The following MNAT1 variants were observed in gnomAD, a reference collection of about 807,000 sequenced individuals.
MNAT1 encodes CDK-activating kinase assembly factor MAT1.
MNAT1 carries 43 observed loss-of-function variants against 42.0 expected under a neutral mutation model. That is an observed-to-expected ratio of 1.02 (90% CI 0.80 to 1.32). MNAT1 has a LOEUF of 1.32. Ranked by LOEUF, MNAT1 falls within the 40% of genes most tolerant of loss-of-function variation. MNAT1 has a pLI of 0.00. For missense variants in MNAT1, 306 were observed against 350.4 expected, an observed-to-expected ratio of 0.87 and a Z score of 1.01; for synonymous variants, 118 against 120.0, an observed-to-expected ratio of 0.98 and a Z score of 0.11.
intron 7 of MNAT1, among the ~76,000 whole-genome samples, chr14:60,896,734 C>A (rs978664133): frequency 1.5e-4 from 23 of 152,152 alleles, no homozygotes; most frequent in African/African-American, 4.8e-4. Context: ...GATCCACACG[C>A]CTCAGCCTCC....
At chr14:60,862,704 TAAG>T (rs951288225) in intron 6 of MNAT1, among the ~76,000 whole-genome samples, 7 of 152,210 alleles carry the variant, frequency 4.6e-5, no homozygotes, top group African/African-American at 1.7e-4. Context: ...TGGAAAATCA[TAAG>T]AACCTTCAAA....
intron 1 of MNAT1, among the ~76,000 whole-genome samples, chr14:60,793,848 C>T (rs916405905): frequency 2.6e-5 from 4 of 151,794 alleles, no homozygotes; most frequent in African/African-American, 9.7e-5. Context: ...ATTTTATAAG[C>T]TTTAAAGAAA....
At chr14:60,900,084 T>C (rs867889007) in intron 7 of MNAT1, among the ~76,000 whole-genome samples, 3 of 42,046 alleles carry the variant, frequency 7.1e-5, no homozygotes, top group Admixed American at 2.1e-4. Flanking sequence ...CTCTCTCTCT[T>C]ACCTTGGACT....
chr14:60,969,627 T>C lies in MNAT1; in HGVS notation c.*1278T>C, dbSNP rs1200185420. 6.6e-6 allele frequency: 1 copy of C among 152,192 alleles called. No homozygotes were observed. The highest frequency in any genetic ancestry group is 1.5e-5 in the Non-Finnish European group (1 of 68,030). 9.4% of individuals were successfully genotyped at this position (152,192 alleles called of 1,614,324 possible). A position where few individuals can be genotyped will look rare whatever the true frequency, so the allele number is the denominator to read the frequency against. On this transcript the variant is annotated 3_prime_UTR_variant, in exon 8 of 8. Transcript: ENST00000261245. The stretch of plus-strand genomic sequence containing the variant: ...TCAAAGTCCAGTTCCATCTACATTC[T>C]ACCAGACTGCATATCCTATTCCTGT...
At chr14:60,778,792 A>T (rs140294417) in intron 1 of MNAT1, among the ~76,000 whole-genome samples, 48 of 152,284 alleles carry the variant, frequency 3.2e-4, no homozygotes, top group African/African-American at 1.1e-3. Context: ...CTCTACAAGG[A>T]TGGGTTTCAT....
intron 7 of MNAT1, among the ~76,000 whole-genome samples, chr14:60,941,178 C>T (rs1464003952): frequency 6.6e-6 from 1 of 152,068 alleles, no homozygotes; most frequent in Non-Finnish European, 1.5e-5. Context: ...ATCAAAAATT[C>T]ATTTAATTGT....
rs367588341 is a variant in MNAT1, at chr14:60,805,639, T to C, written c.317-2686T>C. Among the ~76,000 whole-genome samples, 5 of 152,224 alleles carry C rather than the reference T, an allele frequency of 3.3e-5. No homozygotes were observed. The East Asian group carries it at 9.6e-4, about 29-fold the overall frequency. ...TAGTTTTGACTTTTCCAGAATGTTA[T>C]ATAGTTGGAATCATACAGTATGTAG... On this transcript the variant is annotated intron_variant, in intron 3 of 7. Transcript: ENST00000261245.
intron 1 of MNAT1, among the ~76,000 whole-genome samples, chr14:60,770,292 A>ATT (rs1014422829): frequency 6.6e-6 from 1 of 152,226 alleles, no homozygotes; most frequent in Non-Finnish European, 1.5e-5. Context: ...ATAATATTTC[A>ATT]TTATATATAT....
chr14:60,757,006 C>CA (rs1344004180), intron 1 of MNAT1, among the ~76,000 whole-genome samples: 1 of 152,128 alleles, frequency 6.6e-6, no homozygotes, highest in African/African-American at 2.4e-5. Flanking sequence ...TTTAAGATGT[C>CA]ATCAGCTGTG....
chr14:60,824,142 G>A (rs191804641), intron 6 of MNAT1, among the ~76,000 whole-genome samples: 70 of 152,196 alleles, frequency 4.6e-4, no homozygotes, highest in African/African-American at 1.3e-3. Flanking sequence ...GGGCGACAGA[G>A]TGAGACTCCA....
chr14:60,888,086 T>C (rs1370267322), intron 7 of MNAT1, among the ~76,000 whole-genome samples: 1 of 149,672 alleles, frequency 6.7e-6, no homozygotes, highest in Non-Finnish European at 1.5e-5. Context: ...GAATCCTCCC[T>C]AACTCATTGT....
At chr14:60,922,492 C>T (rs2139555067) in intron 7 of MNAT1, among the ~76,000 whole-genome samples, 1 of 151,994 alleles carries the variant, frequency 6.6e-6, no homozygotes, top group South Asian at 2.1e-4. Context: ...AGATGATTAC[C>T]AATGTTGTAG....
Position 60,740,175 on chromosome 14 carries a change from C to T in MNAT1, c.89+5224C>T, listed in dbSNP as rs1233772358. Among the ~76,000 whole-genome samples, 3 of 152,202 alleles carry T rather than the reference C, an allele frequency of 2.0e-5. No individual in the cohort carries two copies. The highest frequency in any genetic ancestry group is 7.2e-5 in the African/African-American group (3 of 41,546). On this transcript the variant is annotated intron_variant, in intron 1 of 7. Transcript: ENST00000261245. This position sits in a 1 kb window ranked among gnomAD's most constrained non-coding sequence, Gnocchi z 4.1. ...ATCTTAAAAAAAAATTAATTTCTAT[C>T]CCAACCATTCTTGGCAAAACCTGTC...
At chr14:60,839,968 T>C (rs1594793196) in intron 6 of MNAT1, among the ~76,000 whole-genome samples, 6 of 151,304 alleles carry the variant, frequency 4.0e-5, no homozygotes, top group Admixed American at 3.9e-4. Flanking sequence ...GCCGAGGGGG[T>C]GGAATGAGCC....
At chr14:60,830,798 CTT>C (rs781035081) in intron 6 of MNAT1, among the ~76,000 whole-genome samples, 20 of 135,478 alleles carry the variant, frequency 1.5e-4, no homozygotes, top group Admixed American at 1.5e-4. Context: ...CTTCTTCTGC[CTT>C]TTTTTTTTTT....
chr14:60,928,546 C>A (rs911051517), intron 7 of MNAT1, among the ~76,000 whole-genome samples: 21 of 152,022 alleles, frequency 1.4e-4, no homozygotes, highest in Admixed American at 1.2e-3. Context: ...ACCATTGTTG[C>A]GAGTAAAAAT....
rs948857457 is a variant in MNAT1 at position 60,915,030 on chromosome 14, T to C, written c.809+35195T>C. ...GGTGAGAGAAGATGCTGATTGATTC[T>C]ATGTAGGTTTGTTTTTTATTTGACC... On this transcript the variant is annotated intron_variant, in intron 7 of 7. Coordinates refer to ENST00000261245, the MANE Select transcript of MNAT1 (RefSeq NM_002431.4). Among the ~76,000 whole-genome samples the C allele has an allele frequency of 7.3e-4, 111 of 152,252 alleles. 1 individual carries two copies. The highest frequency in any genetic ancestry group is 1.2e-4 in the Non-Finnish European group (8 of 68,046).
intron 6 of MNAT1, among the ~76,000 whole-genome samples, chr14:60,840,031 C>T (rs2033503076): frequency 6.6e-6 from 1 of 152,230 alleles, no homozygotes; most frequent in East Asian, 1.9e-4. Context: ...CAGAGGTTTC[C>T]AGCTGGAAAA....
In MNAT1 at chr14:60,925,841, C is replaced by T. The variant is rs114958811; in HGVS notation, c.810-42388C>T. Reference sequence around the variant, plus strand: ...TTGTAGATTTTGTGTGGACTGTCCCCGATTTCACTTCTAACTTTTAAGTTC... The same window carrying T: ...TTGTAGATTTTGTGTGGACTGTCCCTGATTTCACTTCTAACTTTTAAGTTC... On this transcript the variant is annotated intron_variant, in intron 7 of 7. Coordinates refer to ENST00000261245, the MANE Select transcript of MNAT1 (RefSeq NM_002431.4). Among the ~76,000 whole-genome samples the T allele has an allele frequency of 4.0e-3, 614 of 152,148 alleles. 4 individuals are homozygous for T. Among genetic ancestry groups the T allele is most frequent in the African/African-American group, 0.014 (581 of 41,498 alleles).
Sources: allele counts gnomAD v4.1 joint callset (sites outside exome capture counted in the v4.1 genomes callset), GRCh38; gene constraint gnomAD v4.1.1; non-coding constraint Gnocchi (gnomAD v3.1); transcripts MANE v1.5; gene names NCBI Gene and HGNC (gene_info 2026-07-23, HGNC 2026-07-21).